Variants in RAP1GDS1 observed in about 807,000 individuals in gnomAD.
The protein encoded by RAP1GDS1 is Rap1 GTPase-GDP dissociation stimulator 1.
A neutral mutation model predicts 71.1 loss-of-function variants in RAP1GDS1; 35 were observed. That is an observed-to-expected ratio of 0.49 (90% confidence interval 0.38 to 0.65). RAP1GDS1 has a LOEUF of 0.65. Ranked by LOEUF, RAP1GDS1 falls within the 30% of genes least tolerant of loss-of-function variation. The pLI, the probability that RAP1GDS1 is intolerant of heterozygous loss-of-function variation, is 0.00. For synonymous variants in RAP1GDS1, 229 were observed against 243.1 expected (o/e 0.94, Z 0.54); for missense variants, 663 against 706.1 (o/e 0.94, Z 0.69).
At chr4:98,269,609 A>G (rs1214722010) in intron 1 of RAP1GDS1, among the ~76,000 whole-genome samples, 1 of 152,214 alleles carries the variant, frequency 6.6e-6, no homozygotes, top group Non-Finnish European at 1.5e-5. Context: ...TCAGGAACTC[A>G]TACAACTCAG....
At chr4:98,430,142 C>T (rs1482597798) in intron 12 of RAP1GDS1, among the ~76,000 whole-genome samples, 6 of 152,218 alleles carry the variant, frequency 3.9e-5, no homozygotes, top group East Asian at 1.9e-4. Context: ...CCCATCACCA[C>T]GCAGGTTCTT....
intron 1 of RAP1GDS1, among the ~76,000 whole-genome samples, chr4:98,264,319 C>G (rs1466748975): frequency 6.6e-6 from 1 of 152,000 alleles, no homozygotes; most frequent in African/African-American, 2.4e-5. Flanking sequence ...TCACTTGAAC[C>G]CGGGAGGCGG....
intron 2 of RAP1GDS1, 139 bp downstream of exon 2, chr4:98,293,654 A>G (rs905586165): frequency 1.5e-6 from 1 of 669,492 alleles, no homozygotes; most frequent in Middle Eastern, 3.2e-4. Context: ...GAATACTGAG[A>G]TTGTTTTACA....
chr4:98,347,707 C>G (rs1032750154), intron 3 of RAP1GDS1, among the ~76,000 whole-genome samples: 1 of 152,128 alleles, frequency 6.6e-6, no homozygotes, highest in Non-Finnish European at 1.5e-5. Flanking sequence ...CCAAAATTTT[C>G]AGTTCTCCGA....
chr4:98,327,006 G>T (rs1733212197), intron 2 of RAP1GDS1, among the ~76,000 whole-genome samples: 1 of 152,166 alleles, frequency 6.6e-6, no homozygotes, highest in Non-Finnish European at 1.5e-5. Flanking sequence ...CAGGAGCCTT[G>T]ATTAACCTGT....
intron 7 of RAP1GDS1, among the ~76,000 whole-genome samples, chr4:98,410,133 T>G (rs771072132): frequency 4.6e-5 from 7 of 151,994 alleles, no homozygotes; most frequent in Non-Finnish European, 7.4e-5. Flanking sequence ...AAGTTAAAAC[T>G]CTTTTTTTAA....
chr4:98,296,056 CAAA>C (rs71588948), intron 2 of RAP1GDS1, among the ~76,000 whole-genome samples: 1 of 150,562 alleles, frequency 6.6e-6, no homozygotes, highest in Non-Finnish European at 1.5e-5. Flanking sequence ...ACAACAACAA[CAAA>C]AACACAGAGA....
chr4:98,427,552 C>T (rs968281421), intron 12 of RAP1GDS1, among the ~76,000 whole-genome samples: 4 of 151,964 alleles, frequency 2.6e-5, no homozygotes, highest in Non-Finnish European at 5.9e-5. Context: ...CAAATTAGCT[C>T]TCCTATCACC....
At chr4:98,333,287 T>C (rs1221330040) in intron 2 of RAP1GDS1, among the ~76,000 whole-genome samples, 1 of 152,024 alleles carries the variant, frequency 6.6e-6, no homozygotes, top group Non-Finnish European at 1.5e-5. Context: ...TTTGTGTACT[T>C]TGTTTACAAA....
intron 1 of RAP1GDS1, among the ~76,000 whole-genome samples, chr4:98,279,874 T>C (rs1337802190): frequency 6.6e-6 from 1 of 152,328 alleles, no homozygotes; most frequent in South Asian, 2.1e-4. Flanking sequence ...TTTTCTGTCC[T>C]TGTGATAGTT....
At chr4:98,331,843 T>C (rs1421986688) in intron 2 of RAP1GDS1, among the ~76,000 whole-genome samples, 1 of 152,166 alleles carries the variant, frequency 6.6e-6, no homozygotes, top group Non-Finnish European at 1.5e-5. Flanking sequence ...TTCAAAACAC[T>C]TGAACAAAAC....
At chr4:98,329,916 C>T (rs1360011174) in intron 2 of RAP1GDS1, among the ~76,000 whole-genome samples, 1 of 147,248 alleles carries the variant, frequency 6.8e-6, no homozygotes, top group Non-Finnish European at 1.5e-5. Flanking sequence ...TCCTTATATT[C>T]TCCTCTTTTT....
chr4:98,392,409 C>T (rs1183956910), intron 6 of RAP1GDS1, among the ~76,000 whole-genome samples: 7 of 152,182 alleles, frequency 4.6e-5, no homozygotes, highest in Non-Finnish European at 8.8e-5. Flanking sequence ...AATTGTATGT[C>T]CACGGGTAAA....
intron 4 of RAP1GDS1, 39 bp from the exon 5 acceptor site, chr4:98,378,978 T>C: frequency 6.6e-7 from 1 of 1,505,528 alleles, no homozygotes; most frequent in Non-Finnish European, 9.0e-7. Flanking sequence ...GGTACATTTC[T>C]TTTTTCTTTT....
chr4:98,411,652 A>G (rs933181101), intron 7 of RAP1GDS1, among the ~76,000 whole-genome samples: 1 of 152,164 alleles, frequency 6.6e-6, no homozygotes, highest in African/African-American at 2.4e-5. Context: ...CAAAATAACA[A>G]TGTGTTGATA....
intron 7 of RAP1GDS1, among the ~76,000 whole-genome samples, chr4:98,413,327 G>A (rs1324701369): frequency 7.3e-5 from 11 of 151,526 alleles, no homozygotes; most frequent in South Asian, 2.1e-4. Flanking sequence ...CCACTAACTC[G>A]TCATCTAGCA....
In RAP1GDS1 at chr4:98,442,450, A is replaced by C; in HGVS notation, c.*333A>C. The C allele has an allele frequency of 4.1e-6, 1 of 246,050 alleles. No individual in the cohort carries two copies. The allele number at this position is 246,050 out of a possible 1,614,324, so 15.2% of individuals were successfully genotyped here. A position where few individuals can be genotyped will look rare whatever the true frequency, so the allele number is the denominator to read the frequency against. ...TTGCTCCACACATGCAGTAAACTAC[A>C]TAATGATGTACTGGTAAACTAGAAA... On this transcript the variant is annotated 3_prime_UTR_variant, in exon 15 of 15. Transcript: ENST00000408927.
intron 7 of RAP1GDS1, among the ~76,000 whole-genome samples, chr4:98,415,300 A>C (rs976918306): frequency 1.3e-5 from 2 of 152,216 alleles, no homozygotes; most frequent in African/African-American, 4.8e-5. Flanking sequence ...CATGTTTTAC[A>C]ATCAGACTTC....
At chr4:98,358,858 G>A (rs182863851) in intron 4 of RAP1GDS1, among the ~76,000 whole-genome samples, 5 of 151,862 alleles carry the variant, frequency 3.3e-5, no homozygotes, top group Non-Finnish European at 5.9e-5. Context: ...ATTGGAGGAG[G>A]CTGGATAAAG....
Sources: allele counts gnomAD v4.1 joint callset (sites outside exome capture counted in the v4.1 genomes callset), GRCh38; gene constraint gnomAD v4.1.1; transcripts MANE v1.5; gene names NCBI Gene and HGNC (gene_info 2026-07-23, HGNC 2026-07-21).